Variants in AGAP1 observed in about 807,000 individuals in gnomAD.
AGAP1 encodes ArfGAP with GTPase domain, ankyrin repeat and PH domain 1.
In AGAP1, 29 loss-of-function variants were observed where a neutral mutation model predicts 105.3. The ratio of observed to expected loss-of-function variants is 0.28; its 90% confidence interval spans 0.21 to 0.38. The LOEUF is 0.38. AGAP1 is among the 10% of genes least tolerant of loss of function. The probability of loss-of-function intolerance (pLI) is 1.00; values close to 1 mark genes in which losing one functional copy is unlikely to be tolerated. For missense variants in AGAP1, 998 were observed against 1,165.1 expected, an observed-to-expected ratio of 0.86 and a Z score of 2.09; for synonymous variants, 509 against 485.9, an observed-to-expected ratio of 1.05 and a Z score of -0.63.
Position 235,887,378 on chromosome 2 carries a change from C to T in AGAP1, c.1155+3929C>T, listed in dbSNP as rs1413199141. Among the ~76,000 whole-genome samples the T allele has an allele frequency of 6.6e-6, 1 of 152,214 alleles. No individual in the cohort carries two copies. Among genetic ancestry groups the T allele is most frequent in the Non-Finnish European group, 1.5e-5 (1 of 68,040 alleles). On this transcript the variant is annotated intron_variant, in intron 10 of 17. Coordinates refer to ENST00000304032, the MANE Select transcript of AGAP1 (RefSeq NM_001037131.3). The surrounding 1 kb of genome is among the most constrained non-coding windows in gnomAD (Gnocchi z 4.1). ...CCCTGGTAACACCCTATTGTCTGAA[C>T]ATGGGAACCTGCCTCCTTTTCTCTC...
rs1322565005 is a variant in AGAP1 at position 235,494,641 on chromosome 2, G to A, written c.-46G>A. ...CGGCCCGCGGGCCCCGGGGCGCGGG[G>A]CGGCGGCGGCGGGGGGCGCGCGGCT... On this transcript the variant is annotated 5_prime_UTR_variant, in exon 1 of 18. Transcript: ENST00000304032. The A allele has an allele frequency of 2.1e-6, 2 of 967,318 alleles. No individual in the cohort carries two copies. Among genetic ancestry groups the A allele is most frequent in the East Asian group, 1.2e-4 (1 of 8,508 alleles). The allele number at this position is 967,318 out of a possible 1,614,324, so 59.9% of individuals were successfully genotyped here.
At chr2:236,047,937 C>T (rs2057772322) in intron 15 of AGAP1, among the ~76,000 whole-genome samples, 3 of 152,072 alleles carry the variant, frequency 2.0e-5, no homozygotes, top group Non-Finnish European at 2.9e-5. Flanking sequence ...TCTATCACTG[C>T]CTTCTTGCAT....
At position 235,753,558 on chromosome 2, in the gene AGAP1, T is replaced by TAGCC. The variant is rs1442008082; in HGVS notation, c.673+3071_673+3074dup. Among the ~76,000 whole-genome samples, 2 of 152,016 alleles carry TAGCC rather than the reference T, an allele frequency of 1.3e-5. 1 individual carries two copies. Among genetic ancestry groups the TAGCC allele is most frequent in the East Asian group, 3.9e-4 (2 of 5,156 alleles). The stretch of plus-strand genomic sequence containing the variant: ...CATCTCTACTAAAATTGCAAAAAAT[T>TAGCC]AGCCGGGCATGGTGGCAGGCACCTG... On this transcript the variant is annotated intron_variant, in intron 6 of 17. Coordinates refer to ENST00000304032, the MANE Select transcript of AGAP1 (RefSeq NM_001037131.3). This position sits in a 1 kb window ranked among gnomAD's most constrained non-coding sequence, Gnocchi z 4.5.
chr2:235,589,189 GTTTTGTTTTTT>G lies in AGAP1; in HGVS notation c.163+94345_163+94355del, dbSNP rs1244044237. Among the ~76,000 whole-genome samples, 229 of 54,928 alleles carry G rather than the reference GTTTTGTTTTTT, an allele frequency of 4.2e-3. 2 individuals are homozygous for G. The highest frequency in any genetic ancestry group is 0.01 in the African/African-American group (206 of 19,768). 36.0% of individuals were successfully genotyped at this position (54,928 alleles called of 152,430 possible). The stretch of plus-strand genomic sequence containing the variant: ...GAGAACTACCAGTTAATAGCTTATT[GTTTTGTTTTTT>G]TTTTTTTTTTTTTTTTTTTTTTGAG... On this transcript the variant is annotated intron_variant, in intron 1 of 17. Transcript: ENST00000304032.
At chr2:236,116,902 A>G (rs1211021171) in intron 16 of AGAP1, among the ~76,000 whole-genome samples, 1 of 152,114 alleles carries the variant, frequency 6.6e-6, no homozygotes, top group Non-Finnish European at 1.5e-5. Flanking sequence ...CTCCAGTCTC[A>G]TTGGAGGTCC....
intron 9 of AGAP1, among the ~76,000 whole-genome samples, chr2:235,816,456 A>AT (rs1491062173): frequency 7.5e-6 from 1 of 134,016 alleles, no homozygotes; most frequent in African/African-American, 2.8e-5. Flanking sequence ...AAAAAAAAAA[A>AT]AGGAAAGAAA....
rs560791938 is a variant in AGAP1, at chr2:235,702,682, C to T, written c.164-6497C>T. Among the ~76,000 whole-genome samples the T allele has an allele frequency of 7.2e-5, 11 of 152,252 alleles. No homozygotes were observed. The East Asian group carries it at 1.7e-3, about 24-fold the overall frequency. Reference sequence around the variant, plus strand: ...CGTTTATGTGCTGTAGGTTGAACCCCACTGTGAAATTGCCACTATTCAAAC... The same window carrying T: ...CGTTTATGTGCTGTAGGTTGAACCCTACTGTGAAATTGCCACTATTCAAAC... On this transcript the variant is annotated intron_variant, in intron 1 of 17. Transcript: ENST00000304032.
In AGAP1 at chr2:235,639,710, C is replaced by T. The variant is rs532306085; in HGVS notation, c.164-69469C>T. Among the ~76,000 whole-genome samples, 11 of 152,282 alleles carry T rather than the reference C, an allele frequency of 7.2e-5. No individual in the cohort carries two copies. Among genetic ancestry groups the T allele is most frequent in the African/African-American group, 2.6e-4 (11 of 41,548 alleles). On this transcript the variant is annotated intron_variant, in intron 1 of 17. Transcript: ENST00000304032. This position sits in a 1 kb window ranked among gnomAD's most constrained non-coding sequence, Gnocchi z 5.3. ...CACTCTTAGATAGTGGCAGCGCTTGCCTCGCTGCATCTCGTGTTCTCAAAA... is the reference window on the plus strand; with the variant it reads ...CACTCTTAGATAGTGGCAGCGCTTGTCTCGCTGCATCTCGTGTTCTCAAAA...
chr2:235,789,018 G>A lies in AGAP1; in HGVS notation c.674-8741G>A, dbSNP rs184009027. Reference sequence around the variant, plus strand: ...TCCTGATTTTTGGCAGCTCGACTTTGGGATTAAATGTTAAGGAACTATTGT... The same window carrying A: ...TCCTGATTTTTGGCAGCTCGACTTTAGGATTAAATGTTAAGGAACTATTGT... On this transcript the variant is annotated intron_variant, in intron 6 of 17. Coordinates refer to ENST00000304032, the MANE Select transcript of AGAP1 (RefSeq NM_001037131.3). The surrounding 1 kb of genome is among the most constrained non-coding windows in gnomAD (Gnocchi z 4.2). Among the ~76,000 whole-genome samples, 444 of 152,302 alleles carry A rather than the reference G, an allele frequency of 2.9e-3. 5 individuals carry two copies. The highest frequency in any genetic ancestry group is 5.0e-3 in the Admixed American group (76 of 15,308).
Position 235,550,433 on chromosome 2 carries a change from G to T in AGAP1, c.163+55584G>T, listed in dbSNP as rs1414141696. On this transcript the variant is annotated intron_variant, in intron 1 of 17. Transcript: ENST00000304032. The surrounding 1 kb of genome is among the most constrained non-coding windows in gnomAD (Gnocchi z 4.6). ...ACTGAGCATGCACACGGGCTGTCAG[G>T]TCCTGGTCCCAGCTCTGCCTTCCTC... Among the ~76,000 whole-genome samples, 2 of 152,174 alleles carry T rather than the reference G, an allele frequency of 1.3e-5. No homozygotes were observed. Among genetic ancestry groups the T allele is most frequent in the African/African-American group, 4.8e-5 (2 of 41,446 alleles).
chr2:235,693,726 C>G (rs1489580508), intron 1 of AGAP1, among the ~76,000 whole-genome samples: 1 of 152,150 alleles, frequency 6.6e-6, no homozygotes, highest in Admixed American at 6.5e-5. Context: ...GTAGTACTTG[C>G]TATTCTCATA....
chr2:235,853,025 A>G (rs2048542111), intron 9 of AGAP1: 1 of 1,245,504 alleles, frequency 8.0e-7, no homozygotes, highest in Non-Finnish European at 1.0e-6. Flanking sequence ...TCGGCAACTC[A>G]CAAAAGACCC....
rs1214517366 is a variant in AGAP1 at position 235,904,172 on chromosome 2, T to G, written c.1156-4566T>G. Among the ~76,000 whole-genome samples the G allele has an allele frequency of 6.6e-6, 1 of 152,190 alleles. No individual in the cohort carries two copies. Among genetic ancestry groups the G allele is most frequent in the African/African-American group, 2.4e-5 (1 of 41,438 alleles). ...TTGACTATGTGAAAAGAAATCACAT[T>G]AATGCAGCTAATTAAGTGTACGGCA... On this transcript the variant is annotated intron_variant, in intron 10 of 17. Transcript: ENST00000304032. This position sits in a 1 kb window ranked among gnomAD's most constrained non-coding sequence, Gnocchi z 4.2.
rs1375083170 is a variant in AGAP1, at chr2:235,905,708, A to G, written c.1156-3030A>G. Among the ~76,000 whole-genome samples, 1 of 152,148 alleles carries G rather than the reference A, an allele frequency of 6.6e-6. No homozygotes were observed. Among genetic ancestry groups the G allele is most frequent in the Admixed American group, 6.5e-5 (1 of 15,274 alleles). ...GAGCAGGCATTTCACCGTGTTGGCT[A>G]GGCTGGTCTTGAACTCCTGACCTCA... On this transcript the variant is annotated intron_variant, in intron 10 of 17. Coordinates refer to ENST00000304032, the MANE Select transcript of AGAP1 (RefSeq NM_001037131.3). The surrounding 1 kb of genome is among the most constrained non-coding windows in gnomAD (Gnocchi z 4.2).
chr2:235,592,455 G>A (rs1945378155), intron 1 of AGAP1, among the ~76,000 whole-genome samples: 1 of 152,138 alleles, frequency 6.6e-6, no homozygotes, highest in South Asian at 2.1e-4. Context: ...AGAGGACCCC[G>A]CTTTTCCAGG....
At chr2:235,821,417 T>C (rs900038677) in intron 9 of AGAP1, among the ~76,000 whole-genome samples, 3 of 145,120 alleles carry the variant, frequency 2.1e-5, no homozygotes, top group Non-Finnish European at 4.5e-5. Flanking sequence ...GGGGTCTCGC[T>C]CTGTCACCCA....
chr2:235,725,003 C>T lies in AGAP1; in HGVS notation c.310+7359C>T, dbSNP rs984107187. On this transcript the variant is annotated intron_variant, in intron 3 of 17. Coordinates refer to ENST00000304032, the MANE Select transcript of AGAP1 (RefSeq NM_001037131.3). This position sits in a 1 kb window ranked among gnomAD's most constrained non-coding sequence, Gnocchi z 5.7. ...TTCACCTCCTGGAGAAAGGACGTCT[C>T]GTTTCCAGCATGTCGGGGGTCAGGC... 3.3e-5 allele frequency among the ~76,000 whole-genome samples: 5 copies of T among 152,184 alleles called. No homozygotes were observed. Among genetic ancestry groups the T allele is most frequent in the African/African-American group, 7.2e-5 (3 of 41,460 alleles).
At chr2:235,780,671 A>G (rs778089334) in intron 6 of AGAP1, among the ~76,000 whole-genome samples, 4 of 152,258 alleles carry the variant, frequency 2.6e-5, no homozygotes, top group Non-Finnish European at 4.4e-5. Flanking sequence ...CTGCCTAGGC[A>G]TTAATTGAAA....
rs1481449995 is a variant in AGAP1, at chr2:235,608,955, A to G, written c.164-100224A>G. ...TACCCCCAACTATGCAAATGATAGT[A>G]CTAGGAATAATAGTAGTAGAAGTAG... On this transcript the variant is annotated intron_variant, in intron 1 of 17. Coordinates refer to ENST00000304032, the MANE Select transcript of AGAP1 (RefSeq NM_001037131.3). This position sits in a 1 kb window ranked among gnomAD's most constrained non-coding sequence, Gnocchi z 5.4. Among the ~76,000 whole-genome samples, 1 of 151,730 alleles carries G rather than the reference A, an allele frequency of 6.6e-6. No individual in the cohort carries two copies. The highest frequency in any genetic ancestry group is 1.5e-5 in the Non-Finnish European group (1 of 67,980).
Sources: allele counts gnomAD v4.1 joint callset (sites outside exome capture counted in the v4.1 genomes callset), GRCh38; gene constraint gnomAD v4.1.1; non-coding constraint Gnocchi (gnomAD v3.1); transcripts MANE v1.5; gene names NCBI Gene and HGNC (gene_info 2026-07-23, HGNC 2026-07-21).